MIA2: variants seen among roughly 807,000 people sequenced by gnomAD.
MIA2 encodes melanoma inhibitory activity protein 2.
Under a neutral mutation model 167.8 loss-of-function variants are expected in MIA2, and 127 were observed. That is an observed-to-expected ratio of 0.76 (90% CI 0.66 to 0.88). The LOEUF (loss-of-function observed/expected upper bound fraction) is 0.88. Ranked by LOEUF, MIA2 falls within the 40% of genes least tolerant of loss-of-function variation. MIA2 has a pLI of 0.00. For synonymous variants in MIA2, 552 were observed against 541.9 expected (o/e 1.02, Z -0.26); for missense variants, 1,690 against 1,624.7 (o/e 1.04, Z -0.69).
chr14:39,271,249 C>A (rs2057093224), intron 6 of MIA2, among the ~76,000 whole-genome samples: 1 of 152,122 alleles, frequency 6.6e-6, no homozygotes, highest in Non-Finnish European at 1.5e-5. Context: ...TGTCTTAATA[C>A]TGTTGAAAAT....
chr14:39,317,508 G>A (rs1244221747), intron 21 of MIA2, among the ~76,000 whole-genome samples: 1 of 152,086 alleles, frequency 6.6e-6, no homozygotes, highest in Non-Finnish European at 1.5e-5. Context: ...TTGACCCCAG[G>A]GTGGATGGGG....
intron 6 of MIA2, among the ~76,000 whole-genome samples, chr14:39,258,696 G>A (rs1594719919): frequency 6.6e-6 from 1 of 152,190 alleles, no homozygotes; most frequent in Non-Finnish European, 1.5e-5. Context: ...GCGTTTTTGT[G>A]CTGGTTTTTC....
chr14:39,238,811 A>AAACAACACAAAAAAC, intron 2 of MIA2, among the ~76,000 whole-genome samples: 1 of 103,636 alleles, frequency 9.6e-6, no homozygotes, highest in African/African-American at 3.9e-5. Context: ...AAAAAAAAAA[A>AAACAACACAAAAAAC]CCCAAAAAAC....
chr14:39,302,025 T>C (rs2062597003), intron 14 of MIA2, 104 bp from the exon 15 acceptor site: 6 of 1,285,946 alleles, frequency 4.7e-6, no homozygotes, highest in South Asian at 3.3e-5. Flanking sequence ...TGTGTTGTTA[T>C]TTATGTGGAC....
At chr14:39,364,394 T>A (rs1235579201) in intron 23 of MIA2, among the ~76,000 whole-genome samples, 1 of 152,132 alleles carries the variant, frequency 6.6e-6, no homozygotes, top group African/African-American at 2.4e-5. Flanking sequence ...CTGGTTATTT[T>A]GTATGTCTCA....
At chr14:39,339,205 C>T (rs1037668518) in intron 25 of MIA2, among the ~76,000 whole-genome samples, 6 of 152,144 alleles carry the variant, frequency 3.9e-5, no homozygotes, top group Admixed American at 6.5e-5. Context: ...TGGTAATGCT[C>T]GCTTGCCCTC....
chr14:39,386,559 G>A, intron 23 of MIA2: 6 of 1,249,460 alleles, frequency 4.8e-6, no homozygotes, highest in Non-Finnish European at 6.8e-6. Context: ...TTTTCTTTTG[G>A]TCTCTTTGTT....
chr14:39,327,080 A>G (rs2067718090), intron 25 of MIA2, 58 bp downstream of exon 25: 1 of 1,318,904 alleles, frequency 7.6e-7, no homozygotes, highest in Non-Finnish European at 1.0e-6. Flanking sequence ...TGTGGAATAC[A>G]CAGGAATGGA....
intron 23 of MIA2, among the ~76,000 whole-genome samples, chr14:39,364,434 G>C (rs2074770646): frequency 6.9e-6 from 1 of 144,258 alleles, no homozygotes; most frequent in African/African-American, 2.5e-5. Flanking sequence ...GTGGTTTGTT[G>C]GTTTTTTTTT....
chr14:39,266,627 G>C, intron 6 of MIA2: 3 of 985,554 alleles, frequency 3.0e-6, no homozygotes, highest in Non-Finnish European at 3.6e-6. Context: ...AAAGTCCAAA[G>C]TCCGGACGTG....
chr14:39,323,072 T>C (rs902461891), intron 24 of MIA2, among the ~76,000 whole-genome samples: 2 of 152,236 alleles, frequency 1.3e-5, no homozygotes, highest in African/African-American at 4.8e-5. Context: ...CTGCCATTAC[T>C]CCACATATTT....
At chr14:39,298,495 G>A (rs1245287761) in intron 13 of MIA2, among the ~76,000 whole-genome samples, 4 of 126,368 alleles carry the variant, frequency 3.2e-5, no homozygotes, top group Middle Eastern at 4.6e-3. Flanking sequence ...TTAGTTTTGC[G>A]GAGAAATCCA....
At chr14:39,271,720 A>T (rs1414394780) in intron 6 of MIA2, among the ~76,000 whole-genome samples, 1 of 151,698 alleles carries the variant, frequency 6.6e-6, no homozygotes. Context: ...ATTTGAGCCC[A>T]GGACTTCAAG....
chr14:39,386,446 A>T (rs1179885080), intron 23 of MIA2: 1 of 1,544,816 alleles, frequency 6.5e-7, no homozygotes, highest in Non-Finnish European at 8.9e-7. Context: ...CTTTTGGAGA[A>T]CTACATCTCT....
chr14:39,363,140 T>C (rs2074728455), intron 23 of MIA2, among the ~76,000 whole-genome samples: 2 of 152,238 alleles, frequency 1.3e-5, no homozygotes, highest in African/African-American at 4.8e-5. Context: ...CTGGAGAATA[T>C]TCTATGCCAG....
In MIA2 at chr14:39,313,324, AT is replaced by A; in HGVS notation, c.3018-10del. 2.9e-6 allele frequency: 4 copies of A among 1,359,166 alleles called. No individual in the cohort carries two copies. Among genetic ancestry groups the A allele is most frequent in the South Asian group, 1.3e-5 (1 of 79,976 alleles). 84.2% of individuals were successfully genotyped at this position (1,359,166 alleles called of 1,614,324 possible). A position where few individuals can be genotyped will look rare whatever the true frequency, so the allele number is the denominator to read the frequency against. ...TGACATGTATTAAGAGAATTATAACATTTTTTGTTTTTAAGGAAATTAACAG... is the reference window on the plus strand; with the variant it reads ...TGACATGTATTAAGAGAATTATAACATTTTTGTTTTTAAGGAAATTAACAG... On this transcript the variant is annotated splice_polypyrimidine_tract_variant and intron_variant, in intron 18 of 28. Transcript: ENST00000640607.
At chr14:39,245,505 C>T (rs1785841675) in intron 3 of MIA2, among the ~76,000 whole-genome samples, 1 of 152,160 alleles carries the variant, frequency 6.6e-6, no homozygotes, top group Non-Finnish European at 1.5e-5. Flanking sequence ...GACAAGCTTG[C>T]TTTAGAGTCT....
rs537979780 is a variant in MIA2, at chr14:39,324,554, G to C, written c.3497-2310G>C. 2.0e-5 allele frequency among the ~76,000 whole-genome samples: 3 copies of C among 151,990 alleles called. No individual in the cohort carries two copies. The South Asian group carries it at 6.2e-4, about 32-fold the overall frequency. ...ACCAAGAAAAGTTAAAATTAATTTTGTTCTCTTAAAGGAGGTACTGAAATA... is the reference window on the plus strand; with the variant it reads ...ACCAAGAAAAGTTAAAATTAATTTTCTTCTCTTAAAGGAGGTACTGAAATA... On this transcript the variant is annotated intron_variant, in intron 24 of 28. Coordinates refer to ENST00000640607, the MANE Select transcript of MIA2 (RefSeq NM_001329214.4).
chr14:39,275,385 C>T (rs1022315695), intron 6 of MIA2, among the ~76,000 whole-genome samples: 1 of 152,198 alleles, frequency 6.6e-6, no homozygotes. Flanking sequence ...ATGTGATCCG[C>T]CTACGTTGGC....
Sources: gnomAD v4.1 joint callset for allele counts (sites outside exome capture counted in the v4.1 genomes callset) on GRCh38, gnomAD v4.1.1 for gene constraint, MANE v1.5 for transcripts, NCBI Gene and HGNC (gene_info 2026-07-23, HGNC 2026-07-21) for gene names.